The following KDM2B variants were observed in gnomAD, a reference collection of about 807,000 sequenced individuals.
KDM2B encodes the protein lysine-specific demethylase 2B.
Under a neutral mutation model 150.0 loss-of-function variants are expected in KDM2B, and 26 were observed. That is an observed-to-expected ratio of 0.17 (90% CI 0.13 to 0.24). The LOEUF (loss-of-function observed/expected upper bound fraction) is 0.24, where lower values mean the gene tolerates loss of function less well. Ranked by LOEUF, KDM2B falls within the 10% of genes least tolerant of loss-of-function variation. The pLI, the probability that KDM2B is intolerant of heterozygous loss-of-function variation, is 1.00. For synonymous variants in KDM2B, 734 were observed against 729.5 expected, an observed-to-expected ratio of 1.01 and a Z score of -0.10; for missense variants, 1,265 against 1,816.9, an observed-to-expected ratio of 0.70 and a Z score of 5.52.
At chr12:121,548,731 C>G (rs1889259217) in intron 6 of KDM2B, 146 bp downstream of exon 6, 1 of 647,626 alleles carries the variant, frequency 1.5e-6, no homozygotes, top group South Asian at 1.8e-5. Flanking sequence ...GCTGTGCCCC[C>G]ACAGGCACAG....
intron 3 of KDM2B, 74 bp from the exon 4 acceptor site, chr12:121,574,667 G>T (rs1318457777): frequency 7.2e-6 from 10 of 1,383,638 alleles, no homozygotes; most frequent in South Asian, 1.2e-5. Flanking sequence ...GGCCCGGGGG[G>T]AAGCCATTTT....
the KDM2B span, among the ~76,000 whole-genome samples, chr12:121,412,626 G>A: frequency 4.0e-5 from 6 of 151,734 alleles, no homozygotes; most frequent in African/African-American, 1.2e-4. Context: ...TGATCCACCC[G>A]CCTTGGCCTC....
At chr12:121,548,643 G>A (rs114823083) in intron 6 of KDM2B, among the ~76,000 whole-genome samples, 1,806 of 152,272 alleles carry the variant, frequency 0.012, 29 homozygotes, top group African/African-American at 0.042. Context: ...AGATCCCCAG[G>A]GGAGCTGGTC....
At chr12:121,508,004 C>G (rs1885246111) in intron 11 of KDM2B, among the ~76,000 whole-genome samples, 2 of 152,184 alleles carry the variant, frequency 1.3e-5, no homozygotes, top group African/African-American at 2.4e-5. Flanking sequence ...GAGTAACACC[C>G]TGTCTGTCTC....
At chr12:121,581,118 T>C (rs1442040235), upstream of KDM2B, 3 of 568,138 alleles carry the variant, frequency 5.3e-6, no homozygotes, top group Non-Finnish European at 5.7e-6. Context: ...GTGGACTCCT[T>C]TACTAGGCGA....
chr12:121,445,974 G>A (rs1040682603), intron 13 of KDM2B, among the ~76,000 whole-genome samples: 15 of 152,192 alleles, frequency 9.9e-5, no homozygotes, highest in Admixed American at 7.2e-4. Flanking sequence ...AATAACAGAC[G>A]TTATTTGCCT....
At chr12:121,431,040 C>T (rs184483096) in intron 22 of KDM2B, among the ~76,000 whole-genome samples, 50 of 152,226 alleles carry the variant, frequency 3.3e-4, no homozygotes, top group Non-Finnish European at 6.5e-4. Flanking sequence ...CAGGACTGAC[C>T]GTGTGCCAGC....
chr12:121,559,734 C>T (rs1555313531), intron 4 of KDM2B, among the ~76,000 whole-genome samples: 1 of 151,678 alleles, frequency 6.6e-6, no homozygotes, highest in Non-Finnish European at 1.5e-5. Context: ...AACTCCGTCT[C>T]TACTAAAAAA....
chr12:121,437,585 A>C (rs1349571130), intron 22 of KDM2B, among the ~76,000 whole-genome samples: 1 of 152,190 alleles, frequency 6.6e-6, no homozygotes, highest in African/African-American at 2.4e-5. Flanking sequence ...AGAGGTAAAC[A>C]CTGGAAGAAA....
chr12:121,486,333 CTTTTTTTTTTTT>C (rs71079073), intron 12 of KDM2B, among the ~76,000 whole-genome samples: 25 of 59,008 alleles, frequency 4.2e-4, no homozygotes, highest in Admixed American at 8.3e-4. Context: ...TTTCGAACTC[CTTTTTTTTTTTT>C]TTTTTTTTTT....
At chr12:121,483,887 C>T (rs7977709) in intron 12 of KDM2B, among the ~76,000 whole-genome samples, 66,245 of 151,684 alleles carry the variant, frequency 0.44, 14,614 homozygotes, top group Middle Eastern at 0.52. Context: ...ATTGACAAAA[C>T]GTAAACAGGG....
At chr12:121,540,717 G>A (rs1448023500) in intron 6 of KDM2B, among the ~76,000 whole-genome samples, 2 of 146,374 alleles carry the variant, frequency 1.4e-5, no homozygotes, top group South Asian at 2.2e-4. Context: ...TTGCATCACC[G>A]GCACTCCAGC....
rs1271391827 is a variant in KDM2B, at chr12:121,445,373, C to T, written c.2005G>A (p.Gly669Arg). ...TAVCLVCGEAGKEDTVEEEEG... is the reference protein window; with the variant it reads ...TAVCLVCGEARKEDTVEEEEG... ...TCCTCTTCCACCGTGTCTTCCTTCC[C>T]CGCCTCGCCACACACAAGGCACACG... The change falls in exon 14 of 23, where the codon GGG becomes AGG. Residue 669 changes from glycine to arginine, a missense_variant. Physicochemically the swap from Gly to Arg is moderately radical, Grantham distance 125. Transcript: ENST00000377071. The T allele has an allele frequency of 4.3e-6, 7 of 1,610,626 alleles. No individual in the cohort carries two copies. In the African/African-American group the frequency reaches 8.0e-5, roughly 18 times the overall value.
Position 121,546,020 on chromosome 12 carries a change from G to A in KDM2B, c.683+2857C>T, listed in dbSNP as rs1235168206. On this transcript the variant is annotated intron_variant, in intron 6 of 22. Coordinates refer to ENST00000377071, the MANE Select transcript of KDM2B (RefSeq NM_032590.5). ...CCTTCCCCGACCACCTTGACTGGGC[G>A]AATCTCCTCCCCTAGTACCAGCTCT... 2.4e-4 allele frequency among the ~76,000 whole-genome samples: 37 copies of A among 152,142 alleles called. 1 individual carries two copies. The highest frequency in any genetic ancestry group is 4.8e-5 in the African/African-American group (2 of 41,438).
chr12:121,462,928 T>A (rs1270856831), intron 12 of KDM2B, among the ~76,000 whole-genome samples: 2 of 149,872 alleles, frequency 1.3e-5, no homozygotes, highest in Admixed American at 6.6e-5. Flanking sequence ...ACAGCAAAAT[T>A]GCATCTCTAC....
At chr12:121,426,388 GGCAA>G (rs576198038), downstream of KDM2B, among the ~76,000 whole-genome samples, 206 of 151,948 alleles carry the variant, frequency 1.4e-3, no homozygotes, top group African/African-American at 4.7e-3. Context: ...TTTGGCAGAG[GGCAA>G]GCATTTCCCC....
chr12:121,470,367 A>AG (rs1880642581), intron 12 of KDM2B: 1 of 152,216 alleles, frequency 6.6e-6, no homozygotes, highest in African/African-American at 2.4e-5. Flanking sequence ...CAGAGATAGA[A>AG]GGGGGTCTCT....
chr12:121,486,557 C>G (rs1424994565), intron 12 of KDM2B, among the ~76,000 whole-genome samples: 1 of 151,832 alleles, frequency 6.6e-6, no homozygotes, highest in East Asian at 1.9e-4. Context: ...AATACCAAGG[C>G]AGGCAGAGCA....
chr12:121,418,985 G>A, the KDM2B span, among the ~76,000 whole-genome samples: 5 of 152,194 alleles, frequency 3.3e-5, no homozygotes, highest in African/African-American at 1.2e-4. Flanking sequence ...TTACAGGCAT[G>A]AGCCAACCGC....
Sources: allele counts gnomAD v4.1 joint callset (sites outside exome capture counted in the v4.1 genomes callset), GRCh38; gene constraint gnomAD v4.1.1; transcripts MANE v1.5; gene names NCBI Gene and HGNC (gene_info 2026-07-23, HGNC 2026-07-21).